Variants in PFKFB3 observed in about 807,000 individuals in gnomAD.
PFKFB3 encodes the protein 6-phosphofructo-2-kinase/fructose-2,6-bisphosphatase 3.
A neutral mutation model predicts 68.0 loss-of-function variants in PFKFB3; 33 were observed. The observed-to-expected ratio is 0.49, with a 90% CI of 0.37 to 0.65. The LOEUF (loss-of-function observed/expected upper bound fraction) is 0.65, where lower values mean the gene tolerates loss of function less well. Ranked by LOEUF, PFKFB3 falls within the 30% of genes least tolerant of loss-of-function variation. PFKFB3 has a pLI of 0.00. For synonymous variants in PFKFB3, 315 were observed against 288.2 expected, an observed-to-expected ratio of 1.09 and a Z score of -0.94; for missense variants, 586 against 712.2, an observed-to-expected ratio of 0.82 and a Z score of 2.02.
intron 1 of PFKFB3, among the ~76,000 whole-genome samples, chr10:6,188,152 GA>G (rs138029501): frequency 0.035 from 5,378 of 152,006 alleles, 134 homozygotes; most frequent in East Asian, 0.12. Flanking sequence ...AACCATTTGA[GA>G]GTTAGACGCA....
At chr10:6,312,616 G>A in the PFKFB3 span, among the ~76,000 whole-genome samples, 1 of 152,174 alleles carries the variant, frequency 6.6e-6, no homozygotes, top group Non-Finnish European at 1.5e-5. Context: ...AAGATCTCTG[G>A]TTGGTATGCG....
At chr10:6,316,419 C>T in the PFKFB3 span, among the ~76,000 whole-genome samples, 1 of 152,258 alleles carries the variant, frequency 6.6e-6, no homozygotes, top group Non-Finnish European at 1.5e-5. Flanking sequence ...TTCTGCCCAA[C>T]ACAGGACATC....
chr10:6,314,750 T>G, the PFKFB3 span, among the ~76,000 whole-genome samples: 3 of 151,952 alleles, frequency 2.0e-5, no homozygotes, highest in African/African-American at 7.3e-5. Context: ...GGTCGAAGGG[T>G]AGGAACTAAC....
chr10:6,216,430 CCCTT>C (rs1844589863), intron 4 of PFKFB3, among the ~76,000 whole-genome samples: 1 of 151,558 alleles, frequency 6.6e-6, no homozygotes, highest in African/African-American at 2.4e-5. Flanking sequence ...GGACCACTGG[CCCTT>C]CCTTGTACAC....
At chr10:6,303,697 G>A in the PFKFB3 span, among the ~76,000 whole-genome samples, 1 of 151,714 alleles carries the variant, frequency 6.6e-6, no homozygotes, top group African/African-American at 2.4e-5. Context: ...CTACTCGGGA[G>A]GCTGCGGCAG....
intron 1 of PFKFB3, among the ~76,000 whole-genome samples, chr10:6,172,569 C>G (rs1842345541): frequency 6.6e-6 from 1 of 152,184 alleles, no homozygotes; most frequent in African/African-American, 2.4e-5. Context: ...TTATCCAAGA[C>G]CACAGGGCTT....
chr10:6,241,827 A>ATCTTTTTTTTTC (rs1846147386), intron 14 of PFKFB3, among the ~76,000 whole-genome samples: 1 of 147,284 alleles, frequency 6.8e-6, no homozygotes, highest in African/African-American at 2.5e-5. Flanking sequence ...CTTTTTTTTA[A>ATCTTTTTTTTTC]TTTTTTTTTG....
chr10:6,306,423 C>T, the PFKFB3 span, among the ~76,000 whole-genome samples: 1 of 152,182 alleles, frequency 6.6e-6, no homozygotes, highest in African/African-American at 2.4e-5. Flanking sequence ...CCTCAGATGG[C>T]TGGAAACAGG....
intron 1 of PFKFB3, among the ~76,000 whole-genome samples, chr10:6,207,888 ATCG>A (rs1371365413): frequency 6.6e-6 from 1 of 152,150 alleles, no homozygotes; most frequent in Non-Finnish European, 1.5e-5. Context: ...CTTTCTGTTC[ATCG>A]TCACTAAAAT....
intron 1 of PFKFB3, among the ~76,000 whole-genome samples, chr10:6,188,873 C>T (rs1205827833): frequency 1.0e-4 from 15 of 147,396 alleles, no homozygotes; most frequent in Non-Finnish European, 1.8e-4. Context: ...CTCGCTCTGT[C>T]CCCCAGGCTG....
chr10:6,166,193 G>T (rs1185745792), intron 1 of PFKFB3, among the ~76,000 whole-genome samples: 1 of 152,060 alleles, frequency 6.6e-6, no homozygotes, highest in African/African-American at 2.4e-5. Context: ...TGTTGGCCAG[G>T]CTGGCCTCGA....
the PFKFB3 span, among the ~76,000 whole-genome samples, chr10:6,279,545 TC>T: frequency 7.0e-6 from 1 of 143,090 alleles, no homozygotes; most frequent in Non-Finnish European, 1.6e-5. Flanking sequence ...AGAGAAAGGC[TC>T]TTTTCCTGCT....
At chr10:6,180,527 C>T (rs2131785554) in intron 1 of PFKFB3, among the ~76,000 whole-genome samples, 1 of 152,272 alleles carries the variant, frequency 6.6e-6, no homozygotes, top group Middle Eastern at 3.4e-3. Context: ...TACAGTGGCT[C>T]AGCCGTGGCT....
At chr10:6,195,697 G>A (rs956349938) in intron 1 of PFKFB3, among the ~76,000 whole-genome samples, 4 of 152,226 alleles carry the variant, frequency 2.6e-5, no homozygotes, top group Non-Finnish European at 4.4e-5. Context: ...GGGGCTCCCC[G>A]CAGAATTCTC....
intron 1 of PFKFB3, among the ~76,000 whole-genome samples, chr10:6,177,389 T>TTCCTTTCTTTCTTTCTTTCTTTC: frequency 8.1e-6 from 1 of 122,970 alleles, no homozygotes; most frequent in South Asian, 3.1e-4. Context: ...TCTTTCTTTC[T>TTCCTTTCTTTCTTTCTTTCTTTC]TTCTTTCTTT....
At chr10:6,289,322 G>A in the PFKFB3 span, among the ~76,000 whole-genome samples, 3 of 151,472 alleles carry the variant, frequency 2.0e-5, no homozygotes, top group South Asian at 6.3e-4. Context: ...TTCTTCTAGG[G>A]TTTTTATGGT....
intron 1 of PFKFB3, among the ~76,000 whole-genome samples, chr10:6,166,130 G>A (rs893927483): frequency 1.1e-4 from 17 of 151,942 alleles, no homozygotes; most frequent in African/African-American, 2.7e-4. Context: ...CAGGTGCCCC[G>A]CCACCACGCC....
chr10:6,220,992 T>C lies in PFKFB3; in HGVS notation c.831+127T>C. The C allele has an allele frequency of 1.1e-6, 1 of 901,010 alleles. No individual in the cohort carries two copies. The highest frequency in any genetic ancestry group is 1.8e-6 in the Non-Finnish European group (1 of 560,540). The allele number at this position is 901,010 out of a possible 1,614,324, so 55.8% of individuals were successfully genotyped here. On this transcript the variant is annotated intron_variant, in intron 8 of 14. Coordinates refer to ENST00000379775, the MANE Select transcript of PFKFB3 (RefSeq NM_004566.4). The surrounding 1 kb of genome is among the most constrained non-coding windows in gnomAD (Gnocchi z 4.1). ...TGCTTGGTGTGCTTGCTGTGTGTGT[T>C]ATCTGTGTGTGCGCCTGCACGTCTC...
intron 1 of PFKFB3, among the ~76,000 whole-genome samples, chr10:6,153,957 G>T (rs1841685058): frequency 6.6e-6 from 1 of 152,308 alleles, no homozygotes; most frequent in East Asian, 1.9e-4. Flanking sequence ...ACTGAGGGGA[G>T]TGAGACAGCC....
Sources: allele counts gnomAD v4.1 joint callset (sites outside exome capture counted in the v4.1 genomes callset), GRCh38; gene constraint gnomAD v4.1.1; non-coding constraint Gnocchi (gnomAD v3.1); transcripts MANE v1.5; gene names NCBI Gene and HGNC (gene_info 2026-07-23, HGNC 2026-07-21).